The following PARD3B variants were observed in gnomAD, a reference collection of about 807,000 sequenced individuals.
PARD3B encodes the protein partitioning defective 3 homolog B.
PARD3B carries 103 observed loss-of-function variants against 130.2 expected under a neutral mutation model. The ratio of observed to expected loss-of-function variants is 0.79; its 90% confidence interval spans 0.67 to 0.93. The LOEUF (loss-of-function observed/expected upper bound fraction) is 0.93. Among genes scored for constraint, PARD3B ranks in the 40% least tolerant of loss-of-function variants. The pLI is 0.00. For synonymous variants in PARD3B, 583 were observed against 553.2 expected, an observed-to-expected ratio of 1.05 and a Z score of -0.76; for missense variants, 1,609 against 1,499.2, an observed-to-expected ratio of 1.07 and a Z score of -1.21.
chr2:204,791,957 G>A lies in PARD3B; in HGVS notation c.222+105675G>A, dbSNP rs2042219519. Among the ~76,000 whole-genome samples, 2 of 152,162 alleles carry A rather than the reference G, an allele frequency of 1.3e-5. 1 individual carries two copies. Among genetic ancestry groups the A allele is most frequent in the African/African-American group, 4.8e-5 (2 of 41,430 alleles). ...GTGGATGTGTTTAAAAGTTCCTAAT[G>A]TTGATAATCGTTGGTGGTACCTTAT... On this transcript the variant is annotated intron_variant, in intron 2 of 22. Transcript: ENST00000406610.
rs58686908 is a variant in PARD3B, at chr2:204,668,042, G to A, written c.121-18139G>A. On this transcript the variant is annotated intron_variant, in intron 1 of 22. Coordinates refer to ENST00000406610, the MANE Select transcript of PARD3B (RefSeq NM_001302769.2). Reference sequence around the variant, plus strand: ...ACCTACATTTCTGTTGTGGAAGGAGGTGTAAATAAATGAAAAGCCTTCTTT... The same window carrying A: ...ACCTACATTTCTGTTGTGGAAGGAGATGTAAATAAATGAAAAGCCTTCTTT... Among the ~76,000 whole-genome samples the A allele has an allele frequency of 5.1e-3, 780 of 152,306 alleles. 9 individuals are homozygous for A. Among genetic ancestry groups the A allele is most frequent in the African/African-American group, 0.017 (724 of 41,570 alleles).
Position 205,533,725 on chromosome 2 carries a change from T to TTTTG in PARD3B, c.3181-19583_3181-19580dup, listed in dbSNP as rs566799321. 1.5e-3 allele frequency among the ~76,000 whole-genome samples: 230 copies of TTTTG among 148,910 alleles called. 1 individual carries two copies. The highest frequency in any genetic ancestry group is 4.2e-3 in the Admixed American group (63 of 15,154). The stretch of plus-strand genomic sequence containing the variant: ...TTAACATTCAATGGTTTTGGGGGTT[T>TTTTG]TTTGTTTGTTTGTTTGTTTTTTGAG... On this transcript the variant is annotated intron_variant, in intron 21 of 22. Transcript: ENST00000406610.
At chr2:205,254,881 G>A (rs1357732002) in intron 16 of PARD3B, among the ~76,000 whole-genome samples, 2 of 151,550 alleles carry the variant, frequency 1.3e-5, no homozygotes, top group African/African-American at 2.4e-5. Flanking sequence ...GGTCAGGATG[G>A]TCTCGATCTC....
intron 21 of PARD3B, among the ~76,000 whole-genome samples, chr2:205,527,666 C>G (rs1397433184): frequency 6.6e-6 from 1 of 152,214 alleles, no homozygotes; most frequent in African/African-American, 2.4e-5. Context: ...TAACCTTCAT[C>G]AGGGTCTGTC....
intron 13 of PARD3B, among the ~76,000 whole-genome samples, chr2:205,180,119 G>T (rs189216663): frequency 1.9e-3 from 286 of 151,426 alleles, no homozygotes; most frequent in African/African-American, 6.8e-3. Context: ...TTCTTCCAAA[G>T]TGACTCCATT....
chr2:205,388,319 A>C (rs1199348450), intron 18 of PARD3B, among the ~76,000 whole-genome samples: 1 of 152,240 alleles, frequency 6.6e-6, no homozygotes, highest in East Asian at 1.9e-4. Context: ...GAAAGGAAAA[A>C]TTAGCCATTG....
intron 1 of PARD3B, among the ~76,000 whole-genome samples, chr2:204,550,170 C>A (rs909131119): frequency 2.0e-5 from 3 of 152,004 alleles, no homozygotes; most frequent in African/African-American, 4.8e-5. Context: ...ATATAAAATG[C>A]TGCAGTGTTT....
intron 15 of PARD3B, among the ~76,000 whole-genome samples, chr2:205,204,533 G>A (rs778115558): frequency 1.1e-4 from 16 of 152,176 alleles, no homozygotes; most frequent in Non-Finnish European, 2.2e-4. Context: ...CCATGCCTGT[G>A]AGCTGAATGG....
At chr2:205,599,808 T>C (rs2054712503) in intron 22 of PARD3B, among the ~76,000 whole-genome samples, 1 of 152,190 alleles carries the variant, frequency 6.6e-6, no homozygotes, top group African/African-American at 2.4e-5. Flanking sequence ...GTCAAAGCTT[T>C]CTCTCTTGCA....
At chr2:205,027,490 A>G (rs932924165) in intron 3 of PARD3B, among the ~76,000 whole-genome samples, 2 of 152,102 alleles carry the variant, frequency 1.3e-5, no homozygotes, top group Admixed American at 1.3e-4. Flanking sequence ...GTTTGCAAAT[A>G]ATTTTTCCCA....
At chr2:204,776,131 C>T (rs926765240) in intron 2 of PARD3B, among the ~76,000 whole-genome samples, 1 of 152,090 alleles carries the variant, frequency 6.6e-6, no homozygotes, top group Non-Finnish European at 1.5e-5. Flanking sequence ...TCTTATTTGA[C>T]CTTTTCTTTA....
chr2:204,713,426 C>T, intron 2 of PARD3B, among the ~76,000 whole-genome samples: 1 of 141,888 alleles, frequency 7.0e-6, no homozygotes, highest in East Asian at 2.0e-4. Flanking sequence ...ATAAAATTTA[C>T]CATTTTTTAA....
At chr2:205,008,046 G>A (rs1308160590) in intron 3 of PARD3B, among the ~76,000 whole-genome samples, 4 of 152,036 alleles carry the variant, frequency 2.6e-5, no homozygotes, top group African/African-American at 9.7e-5. Context: ...TACATGAGAA[G>A]AGCTTCAATA....
chr2:205,290,895 A>G (rs762676714), intron 16 of PARD3B, among the ~76,000 whole-genome samples: 1 of 152,196 alleles, frequency 6.6e-6, no homozygotes, highest in Non-Finnish European at 1.5e-5. Flanking sequence ...GAAGATGGCC[A>G]TCTGTGAACC....
chr2:205,181,362 A>G (rs1300012939), intron 13 of PARD3B, among the ~76,000 whole-genome samples: 2 of 152,254 alleles, frequency 1.3e-5, no homozygotes, highest in South Asian at 4.1e-4. Context: ...GCTAATGTTT[A>G]TTGGATACCT....
In PARD3B at chr2:204,686,150, G is replaced by A. The variant is rs115789066; in HGVS notation, c.121-31G>A. ...GTGTTTAACTTTTTAACATAGATTA[G>A]GTCATTAAACTTGTGTTTGTTCTAC... On this transcript the variant is annotated intron_variant, in intron 1 of 22. Coordinates refer to ENST00000406610, the MANE Select transcript of PARD3B (RefSeq NM_001302769.2). The A allele has an allele frequency of 6.7e-4, 943 of 1,410,292 alleles. 6 individuals are homozygous for A. In the African/African-American group the frequency reaches 0.012, roughly 18 times the overall value. The allele number at this position is 1,410,292 out of a possible 1,614,324, so 87.4% of individuals were successfully genotyped here.
At chr2:204,629,416 T>C (rs1414113227) in intron 1 of PARD3B, among the ~76,000 whole-genome samples, 2 of 152,266 alleles carry the variant, frequency 1.3e-5, no homozygotes, top group Non-Finnish European at 2.9e-5. Flanking sequence ...TCTGATTGGA[T>C]GCATCTCATG....
At chr2:204,775,917 G>A (rs1000747226) in intron 2 of PARD3B, among the ~76,000 whole-genome samples, 1 of 152,118 alleles carries the variant, frequency 6.6e-6, no homozygotes, top group African/African-American at 2.4e-5. Flanking sequence ...CTTGGGAAAA[G>A]TTTTATGACA....
chr2:204,849,382 C>A (rs527409105), intron 2 of PARD3B, among the ~76,000 whole-genome samples: 1 of 152,204 alleles, frequency 6.6e-6, no homozygotes, highest in Non-Finnish European at 1.5e-5. Context: ...AACAGCCATT[C>A]AGCATTGCTG....
Sources: allele counts gnomAD v4.1 joint callset (sites outside exome capture counted in the v4.1 genomes callset), GRCh38; gene constraint gnomAD v4.1.1; transcripts MANE v1.5; gene names NCBI Gene and HGNC (gene_info 2026-07-23, HGNC 2026-07-21).